MYCBPAP: variants seen among roughly 807,000 people sequenced by gnomAD.
MYCBPAP encodes the protein MYCBP-associated protein.
A neutral mutation model predicts 106.1 loss-of-function variants in MYCBPAP; 60 were observed. The observed-to-expected ratio is 0.57, with a 90% CI of 0.46 to 0.70. The LOEUF is 0.70. Among genes scored for constraint, MYCBPAP ranks in the 30% least tolerant of loss-of-function variants. The pLI is 0.00. For missense variants in MYCBPAP, 1,064 were observed against 1,169.3 expected (o/e 0.91, Z 1.31); for synonymous variants, 407 against 440.6 (o/e 0.92, Z 0.95).
rs2034408816 is a variant in MYCBPAP, at chr17:50,524,985, C to G, written c.1744C>G (p.Leu582Val). ...CACACCATCACCTGTGGATGCCTAT[C>G]TCACCGAGGAAGACTTGTTCCGGCA... is the stretch of plus-strand genomic sequence containing the variant. ...ERTPSPVDAYLTEEDLFRHRN... is the reference protein window; with the variant it reads ...ERTPSPVDAYVTEEDLFRHRN... The change falls in exon 13 of 19, where the codon CTC becomes GTC. Residue 582 changes from leucine (L) to valine (V), a missense_variant. Leu to Val is a conservative substitution (Grantham distance 32). Transcript: ENST00000323776. The G allele has an allele frequency of 5.0e-6, 8 of 1,613,824 alleles. 1 individual carries two copies. The Admixed American group carries it at 1.2e-4, about 24-fold the overall frequency.
At chr17:50,519,538 G>T in intron 6 of MYCBPAP, 102 bp from the exon 7 acceptor site, 1 of 1,366,978 alleles carries the variant, frequency 7.3e-7, no homozygotes. Context: ...TTCCCCAGAG[G>T]AAGCATCTGT....
chr17:50,521,280 C>T (rs1394377606), intron 8 of MYCBPAP, 36 bp from the exon 9 acceptor site: 2 of 1,592,540 alleles, frequency 1.3e-6, no homozygotes, highest in East Asian at 2.3e-5. Flanking sequence ...TGCCTGTCTT[C>T]AGTCAGCTCA....
In MYCBPAP at chr17:50,517,358, T is replaced by C; in HGVS notation, c.270T>C (p.Arg90=). 6.2e-7 allele frequency: 1 copy of C among 1,614,172 alleles called. No homozygotes were observed. Among genetic ancestry groups the C allele is most frequent in the Non-Finnish European group, 8.5e-7 (1 of 1,180,022 alleles). ...TCATCACCCAGAAATTTATCATCCG[T>C]AAACTCAAACCCATGGATCCTAGGA... ...KRVITQKFII[R]KLKPMDPRRK... is the part of the protein sequence containing the mutation. The change falls in exon 3 of 19, where the codon CGT becomes CGC. Residue 90 remains arginine, a synonymous_variant. Transcript: ENST00000323776.
In MYCBPAP at chr17:50,518,577, A is replaced by C; in HGVS notation, c.505A>C (p.Thr169Pro). 1.9e-6 allele frequency: 3 copies of C among 1,601,650 alleles called. No homozygotes were observed. Among genetic ancestry groups the C allele is most frequent in the East Asian group, 4.5e-5 (2 of 44,838 alleles). Residue 169 changes from threonine (T) to proline (P), a missense_variant, in exon 5 of 19, where the codon ACC (threonine) becomes CCC (proline). By Grantham distance (38) the Thr-to-Pro change is conservative. Coordinates refer to ENST00000323776, the MANE Select transcript of MYCBPAP (RefSeq NM_032133.6). ...ERIPTSPCLM[T>P]LISAEGESKQ... ...GATACCTACCTCACCCTGTCTGATGACCCTCATCTCTGCTGAAGGAGAGTC... is the reference window on the plus strand; with the variant it reads ...GATACCTACCTCACCCTGTCTGATGCCCCTCATCTCTGCTGAAGGAGAGTC...
upstream of MYCBPAP, chr17:50,508,221 C>G (rs927268089): frequency 2.4e-5 from 7 of 287,320 alleles, no homozygotes; most frequent in African/African-American, 1.6e-4. Flanking sequence ...AGGCGGGAAG[C>G]AGGGGCTGGC....
chr17:50,508,500 T>A lies in MYCBPAP; in HGVS notation c.-175T>A. 1.3e-6 allele frequency: 2 copies of A among 1,509,582 alleles called. No homozygotes were observed. The highest frequency in any genetic ancestry group is 2.5e-5 in the South Asian group (2 of 80,562). 93.5% of individuals were successfully genotyped at this position (1,509,582 alleles called of 1,614,324 possible). ...GGCGGCGGGCGCGTGCGCGGCCCGA[T>A]GAAGAAGGAGGTTTCCAAGCCGTCT... On this transcript the variant is annotated 5_prime_UTR_variant, in exon 1 of 19. An upstream start codon of the reference 5' UTR is lost. Coordinates refer to ENST00000323776, the MANE Select transcript of MYCBPAP (RefSeq NM_032133.6).
chr17:50,522,127 G>C, intron 10 of MYCBPAP, 46 bp downstream of exon 10: 11 of 1,507,648 alleles, frequency 7.3e-6, no homozygotes, highest in Non-Finnish European at 1.0e-5. Context: ...TCCCTCAGGG[G>C]TGCAGCCCTG....
intron 12 of MYCBPAP, 108 bp from the exon 13 acceptor site, chr17:50,524,769 G>T: frequency 2.9e-5 from 25 of 863,936 alleles, no homozygotes; most frequent in Non-Finnish European, 3.3e-5. Context: ...ACAATGGCAG[G>T]AACTCAGACC....
At chr17:50,517,795 G>T in intron 4 of MYCBPAP, 97 bp downstream of exon 4, 1 of 1,002,270 alleles carries the variant, frequency 1.0e-6, no homozygotes, top group Non-Finnish European at 1.6e-6. Context: ...TAAAGAGACA[G>T]TCTAGTCTGT....
chr17:50,513,603 A>G (rs1433689620), intron 1 of MYCBPAP, among the ~76,000 whole-genome samples: 3 of 152,214 alleles, frequency 2.0e-5, no homozygotes, highest in African/African-American at 2.4e-5. Flanking sequence ...TTGGCCCCCA[A>G]AAATCTTCGG....
intron 15 of MYCBPAP, among the ~76,000 whole-genome samples, chr17:50,527,648 C>T (rs941184152): frequency 1.3e-5 from 2 of 152,126 alleles, no homozygotes; most frequent in Non-Finnish European, 2.9e-5. Context: ...TGTTCCTTCT[C>T]AGTGAGCAGG....
chr17:50,523,854 C>A, intron 12 of MYCBPAP, 70 bp downstream of exon 12: 1 of 1,423,372 alleles, frequency 7.0e-7, no homozygotes, highest in Non-Finnish European at 9.6e-7. Context: ...CTGGCAGTGA[C>A]TGAAGGGATC....
At chr17:50,508,430 C>T (rs370206842), upstream of MYCBPAP, 2 of 995,292 alleles carry the variant, frequency 2.0e-6, no homozygotes, top group South Asian at 1.7e-5. Context: ...CGTCACAGGC[C>T]GGGCCCGCAG....
At position 50,529,102 on chromosome 17, in the gene MYCBPAP, G is replaced by C; in HGVS notation, c.2638G>C (p.Asp880His). 6.2e-7 allele frequency: 1 copy of C among 1,614,020 alleles called. No individual in the cohort carries two copies. The highest frequency in any genetic ancestry group is 1.3e-5 in the African/African-American group (1 of 75,034). ...SASQDRFSLEDPTPDIILSSQ... is the reference protein window; with the variant it reads ...SASQDRFSLEHPTPDIILSSQ... ...AAGTCAGGACAGGTTTTCTTTGGAA[G>C]ACCCTACCCCTGACATCATCCTCTC... Residue 880 changes from aspartate to histidine, a missense_variant, in exon 18 of 19, where the codon GAC becomes CAC. By Grantham distance (81) the Asp-to-His change is moderately conservative (BLOSUM62 -1). Transcript: ENST00000323776.
At chr17:50,515,295 G>A (rs1043870134) in intron 1 of MYCBPAP, among the ~76,000 whole-genome samples, 1 of 151,828 alleles carries the variant, frequency 6.6e-6, no homozygotes, top group African/African-American at 2.4e-5. Flanking sequence ...TCTGTTTCAC[G>A]GTCTTGTTTC....
rs374633646 is a variant in MYCBPAP at position 50,521,079 on chromosome 17, C to T, written c.917-31C>T. 25 of 1,571,660 alleles carry T rather than the reference C, an allele frequency of 1.6e-5. No individual in the cohort carries two copies. The African/African-American group carries it at 2.7e-4, about 17-fold the overall frequency. On this transcript the variant is annotated intron_variant, in intron 7 of 18. Transcript: ENST00000323776. ...GTGAGCAAGGGGACATGGCAGCAGC[C>T]TGTGCTGAGGGTCCTTGGACCTCAT...
intron 18 of MYCBPAP, among the ~76,000 whole-genome samples, chr17:50,530,620 A>G (rs1455735697): frequency 2.0e-5 from 3 of 150,800 alleles, no homozygotes; most frequent in African/African-American, 7.3e-5. Context: ...ACACAGGGAG[A>G]CCCCATCTCT....
chr17:50,529,291 G>C, intron 18 of MYCBPAP, 103 bp downstream of exon 18: 1 of 1,166,080 alleles, frequency 8.6e-7, no homozygotes, highest in Non-Finnish European at 1.2e-6. Context: ...GGTGGAAGCA[G>C]AGCTGCTTCA....
At chr17:50,529,317 T>C in intron 18 of MYCBPAP, 129 bp downstream of exon 18, 1 of 829,548 alleles carries the variant, frequency 1.2e-6, no homozygotes, top group Non-Finnish European at 1.8e-6. Flanking sequence ...GGCATCCTCG[T>C]GTGTGAGACA....
Sources: gnomAD v4.1 joint callset for allele counts (sites outside exome capture counted in the v4.1 genomes callset) on GRCh38, gnomAD v4.1.1 for gene constraint, MANE v1.5 for transcripts, NCBI Gene and HGNC (gene_info 2026-07-23, HGNC 2026-07-21) for gene names.